The following CDKAL1 variants were observed in gnomAD, a reference collection of about 807,000 sequenced individuals.
CDKAL1 encodes threonylcarbamoyladenosine tRNA methylthiotransferase.
CDKAL1 carries 32 observed loss-of-function variants against 68.2 expected under a neutral mutation model. That is an observed-to-expected ratio of 0.47 (90% CI 0.35 to 0.63). CDKAL1 has a LOEUF of 0.63. CDKAL1 is among the 30% of genes least tolerant of loss of function. The pLI is 0.00. For synonymous variants in CDKAL1, 234 were observed against 244.3 expected (o/e 0.96, Z 0.39); for missense variants, 606 against 696.7 (o/e 0.87, Z 1.47).
chr6:20,628,714 T>C (rs1335447662), intron 4 of CDKAL1, among the ~76,000 whole-genome samples: 1 of 152,182 alleles, frequency 6.6e-6, no homozygotes. Context: ...TGTTTTATAG[T>C]GCCTTCCATG....
intron 9 of CDKAL1, among the ~76,000 whole-genome samples, chr6:20,851,668 A>C (rs1759021454): frequency 6.6e-6 from 1 of 151,970 alleles, no homozygotes; most frequent in Non-Finnish European, 1.5e-5. Flanking sequence ...ACAGGGAGAA[A>C]ATTTCTTGAT....
intron 2 of CDKAL1, among the ~76,000 whole-genome samples, chr6:20,537,695 C>T (rs1485410293): frequency 6.6e-6 from 1 of 151,538 alleles, no homozygotes; most frequent in East Asian, 1.9e-4. Flanking sequence ...CTCCTTCTTC[C>T]TATCATTTTG....
chr6:20,686,796 C>G (rs751992096), intron 5 of CDKAL1, among the ~76,000 whole-genome samples: 8 of 152,236 alleles, frequency 5.3e-5, no homozygotes, highest in Non-Finnish European at 1.0e-4. Context: ...TCGAGTTTCT[C>G]ACCGTTAAGT....
chr6:20,925,295 C>G (rs538230321), intron 9 of CDKAL1, among the ~76,000 whole-genome samples: 1 of 152,258 alleles, frequency 6.6e-6, no homozygotes, highest in East Asian at 1.9e-4. Flanking sequence ...CTTAAGAGAC[C>G]ACAGCATAAA....
At chr6:20,618,588 A>G (rs1767033896) in intron 4 of CDKAL1, among the ~76,000 whole-genome samples, 1 of 152,208 alleles carries the variant, frequency 6.6e-6, no homozygotes, top group South Asian at 2.1e-4. Flanking sequence ...TCATGACTGC[A>G]TTCTTGAGAA....
chr6:20,578,041 T>G (rs1435969376), intron 4 of CDKAL1, among the ~76,000 whole-genome samples: 1 of 152,196 alleles, frequency 6.6e-6, no homozygotes. Context: ...CTGGACTATA[T>G]GTCATAAATC....
chr6:20,966,924 T>A (rs184786157), intron 10 of CDKAL1, among the ~76,000 whole-genome samples: 6 of 152,184 alleles, frequency 3.9e-5, no homozygotes, highest in Admixed American at 3.9e-4. Flanking sequence ...TCTATATTCT[T>A]CCATTATTGC....
intron 9 of CDKAL1, among the ~76,000 whole-genome samples, chr6:20,931,340 T>G (rs1192705729): frequency 6.6e-6 from 1 of 152,176 alleles, no homozygotes; most frequent in Non-Finnish European, 1.5e-5. Flanking sequence ...ACTGGTAAAT[T>G]TGCTGTCATT....
chr6:21,188,042 T>G (rs1203155052), intron 13 of CDKAL1, among the ~76,000 whole-genome samples: 1 of 152,206 alleles, frequency 6.6e-6, no homozygotes, highest in Non-Finnish European at 1.5e-5. Flanking sequence ...AGATTTTTGG[T>G]TTTGAATTGC....
At chr6:20,889,948 C>T (rs1409324114) in intron 9 of CDKAL1, among the ~76,000 whole-genome samples, 1 of 151,980 alleles carries the variant, frequency 6.6e-6, no homozygotes, top group East Asian at 1.9e-4. Flanking sequence ...GAGATGAGGT[C>T]TTGCTGTGTT....
At chr6:20,640,548 C>T (rs1403405109) in intron 4 of CDKAL1, among the ~76,000 whole-genome samples, 1 of 152,150 alleles carries the variant, frequency 6.6e-6, no homozygotes, top group Non-Finnish European at 1.5e-5. Context: ...TACCAAAGGC[C>T]AAGACATGAC....
At chr6:20,983,061 A>G (rs1434410488) in intron 10 of CDKAL1, among the ~76,000 whole-genome samples, 2 of 152,222 alleles carry the variant, frequency 1.3e-5, no homozygotes, top group East Asian at 3.9e-4. Context: ...TGTAGTAACT[A>G]GAAATGCTTT....
chr6:21,071,683 T>C (rs1369689283), intron 12 of CDKAL1, among the ~76,000 whole-genome samples: 2 of 152,214 alleles, frequency 1.3e-5, no homozygotes, highest in Non-Finnish European at 2.9e-5. Context: ...TTGTTTATTT[T>C]TTAAAAACCT....
At chr6:21,191,760 T>TAAA (rs35944981) in intron 13 of CDKAL1, among the ~76,000 whole-genome samples, 2 of 140,636 alleles carry the variant, frequency 1.4e-5, no homozygotes, top group Admixed American at 7.2e-5. Flanking sequence ...TGGTTTTCAT[T>TAAA]AAAAAAAAAA....
At chr6:20,686,499 C>A (rs1272135239) in intron 5 of CDKAL1, among the ~76,000 whole-genome samples, 1 of 152,166 alleles carries the variant, frequency 6.6e-6, no homozygotes, top group Non-Finnish European at 1.5e-5. Flanking sequence ...CAGATGGGAC[C>A]TTGTAGTTGC....
intron 4 of CDKAL1, among the ~76,000 whole-genome samples, chr6:20,616,193 A>G (rs1455552179): frequency 1.3e-5 from 2 of 152,194 alleles, no homozygotes; most frequent in African/African-American, 2.4e-5. Context: ...GCCTTGTAGT[A>G]TAGTTTGAAG....
At chr6:20,690,304 T>C (rs1770813659) in intron 5 of CDKAL1, among the ~76,000 whole-genome samples, 1 of 152,248 alleles carries the variant, frequency 6.6e-6, no homozygotes, top group Non-Finnish European at 1.5e-5. Context: ...GTAGTATAAA[T>C]GTATTATAAC....
At chr6:20,632,915 A>G (rs73735106) in intron 4 of CDKAL1, among the ~76,000 whole-genome samples, 8,177 of 152,200 alleles carry the variant, frequency 0.054, 686 homozygotes, top group African/African-American at 0.18. Flanking sequence ...TGACGTGTAC[A>G]CTGCTCTATG....
chr6:20,715,144 A>G (rs1772030747), intron 5 of CDKAL1, among the ~76,000 whole-genome samples: 1 of 152,162 alleles, frequency 6.6e-6, no homozygotes, highest in Non-Finnish European at 1.5e-5. Flanking sequence ...TATACATTGC[A>G]TCTTTCAACT....
Sources: gnomAD v4.1 joint callset for allele counts (sites outside exome capture counted in the v4.1 genomes callset) on GRCh38, gnomAD v4.1.1 for gene constraint, MANE v1.5 for transcripts, NCBI Gene and HGNC (gene_info 2026-07-23, HGNC 2026-07-21) for gene names.